Variants in ADARB2 observed in about 807,000 individuals in gnomAD.
The protein encoded by ADARB2 is inactive double-stranded RNA-specific editase B2.
Under a neutral mutation model 62.2 loss-of-function variants are expected in ADARB2, and 25 were observed. The ratio of observed to expected loss-of-function variants is 0.40; its 90% CI spans 0.29 to 0.56. The LOEUF (loss-of-function observed/expected upper bound fraction) is 0.56, where lower values mean the gene tolerates loss of function less well. Among genes scored for constraint, ADARB2 ranks in the 20% least tolerant of loss-of-function variants. The pLI is 0.43. For synonymous variants in ADARB2, 572 were observed against 500.8 expected, an observed-to-expected ratio of 1.14 and a Z score of -1.90; for missense variants, 1,071 against 1,077.4, an observed-to-expected ratio of 0.99 and a Z score of 0.08.
intron 1 of ADARB2, among the ~76,000 whole-genome samples, chr10:1,387,804 A>G (rs1446107448): frequency 6.6e-6 from 1 of 152,064 alleles, no homozygotes; most frequent in Non-Finnish European, 1.5e-5. Context: ...TAAGAAAAAA[A>G]ACCTACAGAC....
chr10:1,486,284 T>C (rs555293839), intron 1 of ADARB2, among the ~76,000 whole-genome samples: 1 of 152,138 alleles, frequency 6.6e-6, no homozygotes, highest in African/African-American at 2.4e-5. Flanking sequence ...CTAGATGGCA[T>C]CTATTCCAGG....
intron 1 of ADARB2, among the ~76,000 whole-genome samples, chr10:1,528,178 C>T (rs1054887496): frequency 1.3e-5 from 2 of 152,222 alleles, no homozygotes; most frequent in Non-Finnish European, 2.9e-5. Flanking sequence ...GGCCAACACA[C>T]CTGAGCTTAC....
At chr10:1,470,080 T>TCTGACCTGACCCTCTC (rs1831301344) in intron 1 of ADARB2, among the ~76,000 whole-genome samples, 1 of 152,152 alleles carries the variant, frequency 6.6e-6, no homozygotes, top group East Asian at 1.9e-4. Context: ...TCCAAGGTCA[T>TCTGACCTGACCCTCTC]CCAGCCTGAC....
intron 2 of ADARB2, among the ~76,000 whole-genome samples, chr10:1,368,946 G>C (rs1164023838): frequency 1.3e-5 from 2 of 152,212 alleles, no homozygotes; most frequent in Non-Finnish European, 2.9e-5. Context: ...GTGGGGCTGG[G>C]CTGGGTGAGG....
At chr10:1,201,642 A>C (rs571065214) in intron 7 of ADARB2, among the ~76,000 whole-genome samples, 52 of 150,246 alleles carry the variant, frequency 3.5e-4, no homozygotes, top group Non-Finnish European at 6.5e-4. Flanking sequence ...AGCACCTGTC[A>C]CTGAGGACCT....
rs150698562 is a variant in ADARB2, at chr10:1,576,732, C to T, written c.100+160319G>A. Reference sequence around the variant, plus strand: ...CAGCTGTGTTTCCTGAAGCTTTGAGCCCTGAAACCCACATCCCCAGGGTCT... The same window carrying T: ...CAGCTGTGTTTCCTGAAGCTTTGAGTCCTGAAACCCACATCCCCAGGGTCT... On this transcript the variant is annotated intron_variant, in intron 1 of 9. Coordinates refer to ENST00000381312, the MANE Select transcript of ADARB2 (RefSeq NM_018702.4). 1.2e-4 allele frequency among the ~76,000 whole-genome samples: 19 copies of T among 152,308 alleles called. No homozygotes were observed. The East Asian group carries it at 3.7e-3, about 29-fold the overall frequency.
chr10:1,444,323 T>A lies in ADARB2; in HGVS notation c.101-65163A>T, dbSNP rs987481333. On this transcript the variant is annotated intron_variant, in intron 1 of 9. Transcript: ENST00000381312. ...CATCCATCCATCCACTCATTCATCC[T>A]TCCATCCACCCAGCCATCCACTCAC... Among the ~76,000 whole-genome samples the A allele has an allele frequency of 5.9e-3, 553 of 94,240 alleles. 8 individuals carry two copies. The highest frequency in any genetic ancestry group is 0.02 in the African/African-American group (509 of 24,866). The allele number at this position is 94,240 out of a possible 152,430, so 61.8% of individuals were successfully genotyped here.
intron 1 of ADARB2, among the ~76,000 whole-genome samples, chr10:1,563,479 G>A (rs1008309343): frequency 1.3e-5 from 2 of 151,924 alleles, no homozygotes; most frequent in Admixed American, 1.3e-4. Context: ...TATCCTCCTT[G>A]GCCACTTAAT....
At chr10:1,714,579 A>G (rs1834993133) in intron 1 of ADARB2, among the ~76,000 whole-genome samples, 1 of 152,174 alleles carries the variant, frequency 6.6e-6, no homozygotes, top group South Asian at 2.1e-4. Flanking sequence ...CCTGGGTCCT[A>G]ACTCCCTTCT....
At chr10:1,566,213 A>T (rs1056677517) in intron 1 of ADARB2, among the ~76,000 whole-genome samples, 1 of 152,008 alleles carries the variant, frequency 6.6e-6, no homozygotes, top group Non-Finnish European at 1.5e-5. Flanking sequence ...CATGTCACAT[A>T]CCCAGGGTTA....
chr10:1,195,892 A>T (rs1233038081), intron 8 of ADARB2, among the ~76,000 whole-genome samples: 4 of 152,106 alleles, frequency 2.6e-5, no homozygotes. Context: ...CCACCTTCGT[A>T]ACCCCACTGA....
rs1321125458 is a variant in ADARB2, at chr10:1,255,891, T to C, written c.1193-13592A>G. On this transcript the variant is annotated intron_variant, in intron 4 of 9. Coordinates refer to ENST00000381312, the MANE Select transcript of ADARB2 (RefSeq NM_018702.4). This position sits in a 1 kb window ranked among gnomAD's most constrained non-coding sequence, Gnocchi z 4.7. ...GGCAGCATCCAGGCAGGCAAGCACA[T>C]TGACAACCACATGTCAGCCCTGGGA... Among the ~76,000 whole-genome samples the C allele has an allele frequency of 1.3e-5, 2 of 151,944 alleles. No homozygotes were observed. The highest frequency in any genetic ancestry group is 2.4e-5 in the African/African-American group (1 of 41,180).
At chr10:1,637,163 A>G (rs1182228243) in intron 1 of ADARB2, among the ~76,000 whole-genome samples, 1 of 152,170 alleles carries the variant, frequency 6.6e-6, no homozygotes, top group Non-Finnish European at 1.5e-5. Flanking sequence ...TAAATTACTG[A>G]GATTTCTTTT....
intron 1 of ADARB2, among the ~76,000 whole-genome samples, chr10:1,513,755 C>T (rs766689408): frequency 1.3e-5 from 2 of 152,172 alleles, no homozygotes; most frequent in Admixed American, 6.5e-5. Context: ...AGCTCTGGGC[C>T]GGTAGAGTTG....
At chr10:1,370,684 G>T (rs920905768) in intron 2 of ADARB2, among the ~76,000 whole-genome samples, 4 of 152,116 alleles carry the variant, frequency 2.6e-5, no homozygotes. Context: ...AACAAATCAA[G>T]AACTCAATCC....
Position 1,363,033 on chromosome 10 carries a change from G to A in ADARB2, c.1072C>T (p.Pro358Ser), listed in dbSNP as rs755854917. 3 of 1,390,218 alleles carry A rather than the reference G, an allele frequency of 2.2e-6. No homozygotes were observed. The South Asian group carries it at 5.0e-5, about 23-fold the overall frequency. 86.1% of individuals were successfully genotyped at this position (1,390,218 alleles called of 1,614,324 possible). Residue 358 changes from proline (P) to serine (S), a missense_variant, in exon 3 of 10, where the codon CCG becomes TCG. Pro to Ser is a moderately conservative substitution (Grantham distance 74). Coordinates refer to ENST00000381312, the MANE Select transcript of ADARB2 (RefSeq NM_018702.4). Reference protein sequence around the residue: ...APGRARRTPMPQEFADSISQL... With the variant: ...APGRARRTPMSQEFADSISQL... ...GCACCCGCCGCGCCCCTCACCTGCG[G>A]CATTGGCGTCCTCCTGGCCCTGCCG... is the stretch of plus-strand genomic sequence containing the variant.
chr10:1,217,260 A>G, intron 6 of ADARB2, 141 bp from the exon 7 acceptor site: 1 of 885,802 alleles, frequency 1.1e-6, no homozygotes, highest in Non-Finnish European at 1.7e-6. Context: ...GGGGCTTCAG[A>G]AATAAGCGCC....
At chr10:1,428,782 C>T (rs1411352280) in intron 1 of ADARB2, among the ~76,000 whole-genome samples, 1 of 151,884 alleles carries the variant, frequency 6.6e-6, no homozygotes, top group Non-Finnish European at 1.5e-5. Flanking sequence ...GTACAAGCCT[C>T]CACCTGTGAT....
intron 1 of ADARB2, among the ~76,000 whole-genome samples, chr10:1,647,095 G>A (rs1834052210): frequency 6.6e-6 from 1 of 152,266 alleles, no homozygotes; most frequent in Non-Finnish European, 1.5e-5. Context: ...TACAGTGCCT[G>A]CTGCTCTGGA....
Sources: allele counts gnomAD v4.1 joint callset (sites outside exome capture counted in the v4.1 genomes callset), GRCh38; gene constraint gnomAD v4.1.1; non-coding constraint Gnocchi (gnomAD v3.1); transcripts MANE v1.5; gene names NCBI Gene and HGNC (gene_info 2026-07-23, HGNC 2026-07-21).